The following PRIM2 variants were observed in gnomAD, a reference collection of about 807,000 sequenced individuals.
PRIM2 encodes the protein DNA primase large subunit.
Under a neutral mutation model 67.3 loss-of-function variants are expected in PRIM2, and 39 were observed. The ratio of observed to expected loss-of-function variants is 0.58; its 90% CI spans 0.45 to 0.76. The LOEUF (loss-of-function observed/expected upper bound fraction) is 0.76, where lower values mean the gene tolerates loss of function less well. PRIM2 is among the 30% of genes least tolerant of loss of function. The pLI, the probability that PRIM2 is intolerant of heterozygous loss-of-function variation, is 0.00. For missense variants in PRIM2, 398 were observed against 598.7 expected (o/e 0.66, Z 3.50); for synonymous variants, 143 against 198.7 (o/e 0.72, Z 2.36).
At chr6:57,575,864 C>T (rs1775955108) in intron 10 of PRIM2, among the ~76,000 whole-genome samples, 1 of 152,084 alleles carries the variant, frequency 6.6e-6, no homozygotes, top group Non-Finnish European at 1.5e-5. Flanking sequence ...CTGCAACCTC[C>T]ACCTCCTGGG....
chr6:57,544,862 T>G (rs1775253170), intron 10 of PRIM2, among the ~76,000 whole-genome samples: 1 of 152,210 alleles, frequency 6.6e-6, no homozygotes, highest in Non-Finnish European at 1.5e-5. Context: ...ACATGGAAAT[T>G]TCCATATTAT....
chr6:57,382,086 A>T lies in PRIM2; in HGVS notation c.611A>T (p.Asp204Val). The T allele has an allele frequency of 6.2e-7, 1 of 1,613,150 alleles. No homozygotes were observed. Among genetic ancestry groups the T allele is most frequent in the Non-Finnish European group, 8.5e-7 (1 of 1,179,470 alleles). Reference protein sequence around the residue: ...LFRGRKVYLEDGFAYVPLKDI... With the variant: ...LFRGRKVYLEVGFAYVPLKDI... The stretch of plus-strand genomic sequence containing the variant: ...CGAGGAAGGAAAGTCTATTTGGAAG[A>T]TGGCTTTGCTTACGTACCACTTAAG... Residue 204 changes from aspartate to valine, a missense_variant, in exon 7 of 14, where the codon GAT (aspartate) becomes GTT (valine). Physicochemically the swap from Asp to Val is radical, Grantham distance 152. Transcript: ENST00000615550.
the PRIM2 span, among the ~76,000 whole-genome samples, chr6:57,223,323 G>C: frequency 2.0e-5 from 3 of 152,172 alleles, no homozygotes; most frequent in East Asian, 1.9e-4. Flanking sequence ...GACTAGAAGA[G>C]GGGCTTCCAG....
At chr6:57,546,098 T>G (rs1271251858) in intron 10 of PRIM2, among the ~76,000 whole-genome samples, 2 of 152,166 alleles carry the variant, frequency 1.3e-5, no homozygotes, top group Admixed American at 6.5e-5. Flanking sequence ...CTTTGAATAT[T>G]TACTAAAATA....
At chr6:57,626,670 G>A (rs1277323277) in intron 12 of PRIM2, among the ~76,000 whole-genome samples, 4 of 150,760 alleles carry the variant, frequency 2.7e-5, no homozygotes, top group African/African-American at 9.8e-5. Flanking sequence ...TGTCACCCAG[G>A]CTGGAGTGCA....
chr6:57,277,637 C>T, the PRIM2 span, among the ~76,000 whole-genome samples: 1 of 151,958 alleles, frequency 6.6e-6, no homozygotes, highest in African/African-American at 2.4e-5. Flanking sequence ...GAGTTGATTT[C>T]AGAGAACCAC....
intron 12 of PRIM2, among the ~76,000 whole-genome samples, chr6:57,608,591 G>A: frequency 6.6e-6 from 1 of 151,910 alleles, no homozygotes; most frequent in Admixed American, 6.6e-5. Flanking sequence ...AGGTGTGGTG[G>A]CATGCAACTG....
chr6:57,397,044 C>T (rs1274338413), intron 7 of PRIM2, among the ~76,000 whole-genome samples: 2 of 152,150 alleles, frequency 1.3e-5, no homozygotes, highest in Non-Finnish European at 2.9e-5. Context: ...TGCTGTTAAT[C>T]TGTTAGGTTT....
chr6:57,567,738 A>C, intron 10 of PRIM2, among the ~76,000 whole-genome samples: 1 of 152,126 alleles, frequency 6.6e-6, no homozygotes, highest in African/African-American at 2.4e-5. Flanking sequence ...GTATCACTTG[A>C]TTGAAATTGT....
chr6:57,596,316 G>T (rs1239280429), intron 10 of PRIM2, among the ~76,000 whole-genome samples: 2 of 151,884 alleles, frequency 1.3e-5, no homozygotes, highest in Admixed American at 1.3e-4. Context: ...ACATGTAATG[G>T]CAAGGATAAA....
chr6:57,255,152 T>G, the PRIM2 span, among the ~76,000 whole-genome samples: 2 of 152,158 alleles, frequency 1.3e-5, no homozygotes, highest in Non-Finnish European at 2.9e-5. Context: ...GATCTCTTCT[T>G]GGCTTCTAGG....
chr6:57,340,110 C>A (rs754615917), intron 5 of PRIM2, among the ~76,000 whole-genome samples: 1 of 152,166 alleles, frequency 6.6e-6, no homozygotes, highest in Non-Finnish European at 1.5e-5. Context: ...AAAAAATGCT[C>A]ATGATCACTG....
At chr6:57,298,572 C>CA in the PRIM2 span, among the ~76,000 whole-genome samples, 1 of 151,890 alleles carries the variant, frequency 6.6e-6, no homozygotes, top group East Asian at 1.9e-4. Flanking sequence ...TTGCATGTCA[C>CA]AATGGAGAGC....
At chr6:57,263,140 A>G in the PRIM2 span, among the ~76,000 whole-genome samples, 1 of 152,226 alleles carries the variant, frequency 6.6e-6, no homozygotes, top group Non-Finnish European at 1.5e-5. Flanking sequence ...CCATTTAGAT[A>G]GTATAAGTTC....
At chr6:57,314,115 T>C (rs562913741), upstream of PRIM2, among the ~76,000 whole-genome samples, 1 of 152,334 alleles carries the variant, frequency 6.6e-6, no homozygotes, top group South Asian at 2.1e-4. Flanking sequence ...TGTTTTCAGA[T>C]GAGGACTTGA....
At chr6:57,297,814 G>A in the PRIM2 span, among the ~76,000 whole-genome samples, 1 of 152,156 alleles carries the variant, frequency 6.6e-6, no homozygotes, top group Admixed American at 6.5e-5. Context: ...AACATAGGCA[G>A]TCTACAGAAT....
At chr6:57,392,830 G>T (rs1245372907) in intron 7 of PRIM2, among the ~76,000 whole-genome samples, 1 of 151,928 alleles carries the variant, frequency 6.6e-6, no homozygotes, top group Non-Finnish European at 1.5e-5. Flanking sequence ...TTTGTCCATT[G>T]TATCATTCTT....
At chr6:57,301,277 C>A in the PRIM2 span, among the ~76,000 whole-genome samples, 2 of 152,012 alleles carry the variant, frequency 1.3e-5, no homozygotes, top group African/African-American at 2.4e-5. Context: ...CACCTGAGGT[C>A]GGGAGTTTGA....
rs1271507007 is a variant in PRIM2 at position 57,382,025 on chromosome 6, A to G, written c.556-6A>G. On this transcript the variant is annotated splice_region_variant and splice_polypyrimidine_tract_variant and intron_variant, in intron 6 of 13. Transcript: ENST00000615550. ...ACTTATTTTGCCTGTTTTACTCTTA[A>G]TTCAGATCCCTTTTGCTGATGCTCT... 2 of 1,606,370 alleles carry G rather than the reference A, an allele frequency of 1.2e-6. No homozygotes were observed. The highest frequency in any genetic ancestry group is 1.1e-5 in the South Asian group (1 of 89,956).
Sources: allele counts gnomAD v4.1 joint callset (sites outside exome capture counted in the v4.1 genomes callset), GRCh38; gene constraint gnomAD v4.1.1; transcripts MANE v1.5; gene names NCBI Gene and HGNC (gene_info 2026-07-23, HGNC 2026-07-21).